Variants in FOCAD observed in about 807,000 individuals in gnomAD.
FOCAD encodes the protein focadhesin, also known as KIAA1797.
FOCAD carries 198 observed loss-of-function variants against 225.6 expected under a neutral mutation model. That is an observed-to-expected ratio of 0.88 (90% CI 0.78 to 0.99). FOCAD has a LOEUF of 0.99. Among genes scored for constraint, FOCAD ranks in the 50% least tolerant of loss-of-function variants. The pLI, the probability that FOCAD is intolerant of heterozygous loss-of-function variation, is 0.00. For missense variants in FOCAD, 2,713 were observed against 2,123.6 expected, an observed-to-expected ratio of 1.28 and a Z score of -5.46; for synonymous variants, 897 against 755.0, an observed-to-expected ratio of 1.19 and a Z score of -3.08.
chr9:20,901,085 A>G (rs1310718347), intron 21 of FOCAD, among the ~76,000 whole-genome samples: 2 of 151,838 alleles, frequency 1.3e-5, no homozygotes, highest in Non-Finnish European at 2.9e-5. Context: ...TGTTGATGGA[A>G]TACTGAAGCC....
chr9:20,881,225 A>G (rs1830641035), intron 19 of FOCAD, among the ~76,000 whole-genome samples: 1 of 152,212 alleles, frequency 6.6e-6, no homozygotes, highest in Non-Finnish European at 1.5e-5. Context: ...GGGATAGCAA[A>G]TGCAGTGGCA....
Position 20,948,936 on chromosome 9 carries a change from A to C in FOCAD, c.3876+8A>C, listed in dbSNP as rs757442161. 6.8e-6 allele frequency: 11 copies of C among 1,612,766 alleles called. No homozygotes were observed. Among genetic ancestry groups the C allele is most frequent in the Non-Finnish European group, 9.3e-6 (11 of 1,179,020 alleles). On this transcript the variant is annotated splice_region_variant and intron_variant, in intron 32 of 43. Transcript: ENST00000338382. ...GAAGGGGATGTAATGCAGGTAAAGA[A>C]AGGAACCATGGAGGGGAAGACATCT...
intron 9 of FOCAD, among the ~76,000 whole-genome samples, chr9:20,779,420 A>G (rs916872841): frequency 3.3e-5 from 5 of 152,210 alleles, no homozygotes; most frequent in Non-Finnish European, 5.9e-5. Flanking sequence ...TAGTGCCATG[A>G]TATGTTGATA....
At chr9:20,989,554 C>T (rs891309476) in intron 41 of FOCAD, among the ~76,000 whole-genome samples, 4 of 152,102 alleles carry the variant, frequency 2.6e-5, no homozygotes, top group South Asian at 4.1e-4. Flanking sequence ...CACAATGGCA[C>T]ATGTCTATAG....
At chr9:20,868,614 G>A (rs1328625212) in intron 18 of FOCAD, among the ~76,000 whole-genome samples, 5 of 151,994 alleles carry the variant, frequency 3.3e-5, no homozygotes, top group South Asian at 2.1e-4. Context: ...TAGAGTTGGG[G>A]TTTTCTATAT....
chr9:20,743,502 A>C (rs1014894362), intron 5 of FOCAD, among the ~76,000 whole-genome samples: 1 of 152,138 alleles, frequency 6.6e-6, no homozygotes, highest in Admixed American at 6.5e-5. Context: ...TGGACAGAAA[A>C]CAAGAGATAT....
intron 2 of FOCAD, among the ~76,000 whole-genome samples, chr9:20,673,517 C>G (rs939445359): frequency 6.6e-6 from 1 of 152,156 alleles, no homozygotes; most frequent in Non-Finnish European, 1.5e-5. Flanking sequence ...TATTGAGCAT[C>G]TTTTCATTTA....
chr9:20,814,176 A>G (rs563714564), intron 11 of FOCAD, among the ~76,000 whole-genome samples: 4 of 152,158 alleles, frequency 2.6e-5, no homozygotes, highest in African/African-American at 9.6e-5. Flanking sequence ...AGTTTAATCC[A>G]TTTACATTGA....
At chr9:20,918,918 C>G (rs767714784) in intron 24 of FOCAD, among the ~76,000 whole-genome samples, 10 of 152,162 alleles carry the variant, frequency 6.6e-5, no homozygotes, top group Non-Finnish European at 1.3e-4. Flanking sequence ...CAACATGAGG[C>G]CTTCACCACT....
At chr9:20,812,529 G>A (rs1823200297) in intron 11 of FOCAD, among the ~76,000 whole-genome samples, 1 of 151,770 alleles carries the variant, frequency 6.6e-6, no homozygotes, top group Non-Finnish European at 1.5e-5. Flanking sequence ...TTGAATTTTT[G>A]TACTCTGTTT....
At chr9:20,867,095 C>A in intron 18 of FOCAD, 83 bp downstream of exon 18, 1 of 827,772 alleles carries the variant, frequency 1.2e-6, no homozygotes, top group Non-Finnish European at 2.0e-6. Flanking sequence ...GAGATACTTA[C>A]CTGATGAATA....
Position 20,889,037 on chromosome 9 carries a change from G to T in FOCAD, c.2625+3807G>T, listed in dbSNP as rs796919188. Among the ~76,000 whole-genome samples the T allele has an allele frequency of 1.8e-4, 28 of 152,270 alleles. 1 individual carries two copies. The highest frequency in any genetic ancestry group is 6.5e-4 in the African/African-American group (27 of 41,546). ...AGTATACAACTCAGTGGTTTTCAGT[G>T]TATCCACAGAGTTGTGTAACCATTC... On this transcript the variant is annotated intron_variant, in intron 21 of 43. Coordinates refer to ENST00000338382, the MANE Select transcript of FOCAD (RefSeq NM_001375567.1).
At chr9:20,767,165 T>G (rs1309052117) in intron 7 of FOCAD, among the ~76,000 whole-genome samples, 1 of 150,572 alleles carries the variant, frequency 6.6e-6, no homozygotes, top group Non-Finnish European at 1.5e-5. Flanking sequence ...CATCATTTTT[T>G]ATGGCTGCAT....
At chr9:20,957,073 T>C (rs1838216805) in intron 35 of FOCAD, among the ~76,000 whole-genome samples, 1 of 152,186 alleles carries the variant, frequency 6.6e-6, no homozygotes, top group African/African-American at 2.4e-5. Flanking sequence ...ATAACAGCTA[T>C]TATTTTTGAG....
intron 35 of FOCAD, among the ~76,000 whole-genome samples, chr9:20,958,192 A>G (rs1838375531): frequency 6.6e-6 from 1 of 152,202 alleles, no homozygotes; most frequent in Non-Finnish European, 1.5e-5. Context: ...AGTACTTATA[A>G]AACAATATAA....
intron 2 of FOCAD, among the ~76,000 whole-genome samples, chr9:20,665,783 C>A (rs543026342): frequency 2.0e-4 from 31 of 152,236 alleles, no homozygotes; most frequent in African/African-American, 6.7e-4. Flanking sequence ...GTAAGCCCAG[C>A]ACTTTGGGAG....
intron 5 of FOCAD, among the ~76,000 whole-genome samples, chr9:20,752,884 A>G (rs1433605251): frequency 6.6e-6 from 1 of 151,340 alleles, no homozygotes; most frequent in Non-Finnish European, 1.5e-5. Flanking sequence ...CATCCCTTGT[A>G]AGCTGGATTC....
chr9:20,715,116 G>A (rs947630201), intron 1 of FOCAD, among the ~76,000 whole-genome samples: 4 of 152,084 alleles, frequency 2.6e-5, no homozygotes, highest in African/African-American at 4.8e-5. Flanking sequence ...GAGCTGTTGG[G>A]CATTTTTAGT....
Position 20,951,092 on chromosome 9 carries a change from G to A in FOCAD, c.4045G>A (p.Ala1349Thr), listed in dbSNP as rs766707231. 3.4e-5 allele frequency: 55 copies of A among 1,611,574 alleles called. No homozygotes were observed. The Admixed American group carries it at 9.0e-4, about 26-fold the overall frequency. The change falls in exon 34 of 44, where the codon GCC becomes ACC. Residue 1349 changes from alanine (A) to threonine (T), a missense_variant. By Grantham distance (58) the Ala-to-Thr change is moderately conservative. Coordinates refer to ENST00000338382, the MANE Select transcript of FOCAD (RefSeq NM_001375567.1). ...LSTLSSSQSR[A>T]SVPTDYSYLP... ...TACTCTATCCTCAAGTCAAAGTAGAGCCTCTGGTAAGATTAAAGTCATAAA... is the reference window on the plus strand; with the variant it reads ...TACTCTATCCTCAAGTCAAAGTAGAACCTCTGGTAAGATTAAAGTCATAAA...
Sources: gnomAD v4.1 joint callset for allele counts (sites outside exome capture counted in the v4.1 genomes callset) on GRCh38, gnomAD v4.1.1 for gene constraint, MANE v1.5 for transcripts, NCBI Gene and HGNC (gene_info 2026-07-23, HGNC 2026-07-21) for gene names.